The following CSMD3 variants were observed in gnomAD, a reference collection of about 807,000 sequenced individuals.
CSMD3 encodes CUB and sushi domain-containing protein 3.
In CSMD3, 177 loss-of-function variants were observed where a neutral mutation model predicts 435.2. The ratio of observed to expected loss-of-function variants is 0.41; its 90% CI spans 0.36 to 0.46. The LOEUF (loss-of-function observed/expected upper bound fraction) is 0.46. Among genes scored for constraint, CSMD3 ranks in the 20% least tolerant of loss-of-function variants. The pLI is 0.34. For missense variants in CSMD3, 4,265 were observed against 4,504.6 expected (o/e 0.95, Z 1.52); for synonymous variants, 1,656 against 1,520.5 (o/e 1.09, Z -2.07).
rs774042318 is a variant in CSMD3, at chr8:112,281,322, TG to T, written c.9359del (p.Thr3120LysfsTer51). 1 of 1,613,398 alleles carries T rather than the reference TG, an allele frequency of 6.2e-7. No homozygotes were observed. The highest frequency in any genetic ancestry group is 8.5e-7 in the Non-Finnish European group (1 of 1,179,492). Reference protein sequence around the residue: ...KAVQCGNPGTTANGKVFRIDG... With the variant: ...KAVQCGNPGTXANGKVFRIDG... ...CAATTCGGAAGACTTTCCCATTGGC[TG>T]TGGTTCCTGGGTTACCACACTGCAC... is the stretch of plus-strand genomic sequence containing the variant. On this transcript the variant is annotated frameshift_variant, in exon 59 of 71. Transcript: ENST00000297405. LOFTEE classifies it high-confidence loss of function.
At chr8:113,162,796 C>T (rs1166393197) in intron 4 of CSMD3, among the ~76,000 whole-genome samples, 1 of 151,988 alleles carries the variant, frequency 6.6e-6, no homozygotes, top group African/African-American at 2.4e-5. Flanking sequence ...CTCTGGTCCA[C>T]AGAGAGTGCT....
chr8:112,420,590 C>A (rs1812381010), intron 32 of CSMD3, among the ~76,000 whole-genome samples: 1 of 151,950 alleles, frequency 6.6e-6, no homozygotes. Context: ...TAACCCACAT[C>A]TTATTTTTAA....
intron 1 of CSMD3, among the ~76,000 whole-genome samples, chr8:113,357,698 A>G (rs766943030): frequency 6.6e-5 from 10 of 152,200 alleles, no homozygotes; most frequent in Middle Eastern, 6.8e-3. Flanking sequence ...CAATTGGGGG[A>G]GGGACCTAGT....
intron 1 of CSMD3, among the ~76,000 whole-genome samples, chr8:113,350,071 C>T (rs1048808259): frequency 2.6e-5 from 4 of 151,916 alleles, no homozygotes; most frequent in African/African-American, 4.8e-5. Flanking sequence ...CAACCACAAC[C>T]ATTCCCGCTA....
chr8:112,290,111 T>C (rs905534301), intron 56 of CSMD3, among the ~76,000 whole-genome samples: 5 of 152,066 alleles, frequency 3.3e-5, no homozygotes, highest in African/African-American at 7.2e-5. Flanking sequence ...AAGACAATAC[T>C]CAGTGGCTTA....
chr8:113,234,657 T>C lies in CSMD3; in HGVS notation c.514+43935A>G, dbSNP rs573126306. Reference sequence around the variant, plus strand: ...TGAATGCTTTTCAATTTCAGGATGATGTTTCTTTTAATAACTTGAAGATAC... The same window carrying C: ...TGAATGCTTTTCAATTTCAGGATGACGTTTCTTTTAATAACTTGAAGATAC... On this transcript the variant is annotated intron_variant, in intron 3 of 70. Transcript: ENST00000297405. 3.9e-5 allele frequency among the ~76,000 whole-genome samples: 6 copies of C among 152,258 alleles called. No homozygotes were observed. In the South Asian group the frequency reaches 1.2e-3, roughly 32 times the overall value.
At chr8:112,494,495 C>CTTTCTTTCT (rs1821066864) in intron 30 of CSMD3, among the ~76,000 whole-genome samples, 1 of 33,118 alleles carries the variant, frequency 3.0e-5, no homozygotes, top group South Asian at 8.6e-4. Flanking sequence ...TCTTTCTCTC[C>CTTTCTTTCT]TTTCTTTCTT....
intron 59 of CSMD3, 126 bp from the exon 60 acceptor site, chr8:112,265,716 T>A: frequency 1.3e-6 from 1 of 755,332 alleles, no homozygotes; most frequent in East Asian, 2.6e-5. Flanking sequence ...TTTTTAATCA[T>A]AAAACATAAA....
rs572644269 is a variant in CSMD3 at position 113,103,707 on chromosome 8, C to A, written c.710-4744G>T. Among the ~76,000 whole-genome samples the A allele has an allele frequency of 7.9e-5, 12 of 151,942 alleles. No individual in the cohort carries two copies. In the South Asian group the frequency reaches 2.5e-3, roughly 32 times the overall value. On this transcript the variant is annotated intron_variant, in intron 4 of 70. Transcript: ENST00000297405. Reference sequence around the variant, plus strand: ...AATATAAATCTATCATCAAATAACACCATTTATTATACTTTAAAATAACTG... The same window carrying A: ...AATATAAATCTATCATCAAATAACAACATTTATTATACTTTAAAATAACTG...
intron 8 of CSMD3, among the ~76,000 whole-genome samples, chr8:112,954,349 A>T (rs2083933227): frequency 6.6e-6 from 1 of 151,538 alleles, no homozygotes; most frequent in Non-Finnish European, 1.5e-5. Flanking sequence ...ACAAGAAACC[A>T]CCAATTTTAG....
chr8:112,664,639 G>C (rs1306754612), intron 17 of CSMD3, among the ~76,000 whole-genome samples: 1 of 152,120 alleles, frequency 6.6e-6, no homozygotes, highest in East Asian at 1.9e-4. Context: ...GTAGTACTCA[G>C]AATGTGACAG....
chr8:112,372,787 T>C (rs1828533897), intron 38 of CSMD3, among the ~76,000 whole-genome samples: 3 of 151,384 alleles, frequency 2.0e-5, no homozygotes. Flanking sequence ...AGGCGGAGCT[T>C]GCAGTGAGCC....
intron 12 of CSMD3, among the ~76,000 whole-genome samples, chr8:112,811,167 AGAAG>A (rs2079215262): frequency 2.8e-5 from 1 of 35,774 alleles, no homozygotes; most frequent in Admixed American, 4.4e-4. Flanking sequence ...AACTGCCCAG[AGAAG>A]AGTAGAAACA....
chr8:113,005,496 T>G (rs888166325), intron 6 of CSMD3, among the ~76,000 whole-genome samples: 1 of 151,832 alleles, frequency 6.6e-6, no homozygotes. Flanking sequence ...TTAAAAAAAA[T>G]GTAACATCAA....
At chr8:112,593,319 T>C (rs1831360034) in intron 22 of CSMD3, among the ~76,000 whole-genome samples, 1 of 152,130 alleles carries the variant, frequency 6.6e-6, no homozygotes, top group African/African-American at 2.4e-5. Context: ...GAGAAGATTG[T>C]TGTAGTGCTA....
At chr8:112,806,845 GTTC>G (rs1460264534) in intron 12 of CSMD3, among the ~76,000 whole-genome samples, 4 of 152,184 alleles carry the variant, frequency 2.6e-5, no homozygotes, top group Non-Finnish European at 4.4e-5. Context: ...GCCATTCTAT[GTTC>G]TTCTTCTGTG....
At chr8:113,138,464 A>G (rs1477105324) in intron 4 of CSMD3, among the ~76,000 whole-genome samples, 2 of 151,510 alleles carry the variant, frequency 1.3e-5, no homozygotes, top group African/African-American at 4.8e-5. Flanking sequence ...AATAGGTTTC[A>G]GTAATATCTA....
At chr8:113,141,714 TATAG>T (rs1221661053) in intron 4 of CSMD3, among the ~76,000 whole-genome samples, 1 of 151,064 alleles carries the variant, frequency 6.6e-6, no homozygotes, top group Non-Finnish European at 1.5e-5. Flanking sequence ...ACAAATAACC[TATAG>T]ATAAATTTGT....
At chr8:112,742,211 A>G (rs1219635753) in intron 13 of CSMD3, among the ~76,000 whole-genome samples, 2 of 152,012 alleles carry the variant, frequency 1.3e-5, no homozygotes, top group African/African-American at 2.4e-5. Flanking sequence ...TTTATTAATT[A>G]TAAAACACCA....
Sources: allele counts gnomAD v4.1 joint callset (sites outside exome capture counted in the v4.1 genomes callset), GRCh38; gene constraint gnomAD v4.1.1; transcripts MANE v1.5; gene names NCBI Gene and HGNC (gene_info 2026-07-23, HGNC 2026-07-21).